NRXN3: variants seen among roughly 807,000 people sequenced by gnomAD.
NRXN3 encodes the protein neurexin 3.
NRXN3 carries 32 observed loss-of-function variants against 137.6 expected under a neutral mutation model. That is an observed-to-expected ratio of 0.23 (90% CI 0.18 to 0.31). NRXN3 has a LOEUF of 0.31. NRXN3 is among the 10% of genes least tolerant of loss of function. The pLI is 1.00. For synonymous variants in NRXN3, 798 were observed against 784.5 expected, an observed-to-expected ratio of 1.02 and a Z score of -0.29; for missense variants, 1,574 against 2,062.5, an observed-to-expected ratio of 0.76 and a Z score of 4.59.
At chr14:79,057,731 G>A (rs1211377434) in intron 15 of NRXN3, among the ~76,000 whole-genome samples, 1 of 152,166 alleles carries the variant, frequency 6.6e-6, no homozygotes, top group Non-Finnish European at 1.5e-5. Context: ...TAAGGGGAGA[G>A]TTGGCAAGAA....
intron 15 of NRXN3, among the ~76,000 whole-genome samples, chr14:79,448,803 T>C (rs565735794): frequency 7.7e-4 from 117 of 152,288 alleles, no homozygotes; most frequent in African/African-American, 2.7e-3. Context: ...ATGTATTATG[T>C]GTATATCTCT....
chr14:78,656,446 T>C (rs1445409173), intron 6 of NRXN3, among the ~76,000 whole-genome samples: 1 of 152,058 alleles, frequency 6.6e-6, no homozygotes, highest in Non-Finnish European at 1.5e-5. Flanking sequence ...TGTTCTGGTG[T>C]CTGGGTGAAG....
intron 20 of NRXN3, among the ~76,000 whole-genome samples, chr14:79,848,709 C>G (rs528480209): frequency 9.2e-5 from 14 of 152,160 alleles, no homozygotes; most frequent in Non-Finnish European, 1.8e-4. Flanking sequence ...ATTTCTCCAG[C>G]CCTGGCCCCT....
intron 3 of NRXN3, among the ~76,000 whole-genome samples, chr14:78,288,463 G>A (rs758845886): frequency 6.6e-6 from 1 of 152,100 alleles, no homozygotes; most frequent in Non-Finnish European, 1.5e-5. Context: ...TTGTGCAGTT[G>A]GTTTATTTAA....
At chr14:78,248,109 G>A (rs73310308) in intron 2 of NRXN3, among the ~76,000 whole-genome samples, 1,760 of 152,292 alleles carry the variant, frequency 0.012, 26 homozygotes, top group African/African-American at 0.04. Flanking sequence ...TTGATTACTT[G>A]TCTTCTGTCT....
chr14:79,151,447 C>G (rs1185507365), intron 15 of NRXN3, among the ~76,000 whole-genome samples: 1 of 152,070 alleles, frequency 6.6e-6, no homozygotes, highest in Non-Finnish European at 1.5e-5. Flanking sequence ...GAACGCCACT[C>G]ATCGTTCCAT....
intron 4 of NRXN3, among the ~76,000 whole-genome samples, chr14:78,568,517 C>A (rs943075730): frequency 8.5e-5 from 13 of 152,170 alleles, no homozygotes; most frequent in Admixed American, 8.5e-4. Flanking sequence ...ATAGCTGGAA[C>A]TGGAGGTATA....
At chr14:78,436,925 G>A (rs1292363511) in intron 4 of NRXN3, among the ~76,000 whole-genome samples, 1 of 152,210 alleles carries the variant, frequency 6.6e-6, no homozygotes, top group Non-Finnish European at 1.5e-5. Context: ...AACCTTATGG[G>A]TGATGGCTAA....
chr14:79,445,060 A>G (rs2096036854), intron 15 of NRXN3, among the ~76,000 whole-genome samples: 1 of 152,102 alleles, frequency 6.6e-6, no homozygotes, highest in African/African-American at 2.4e-5. Context: ...GTATTCACTC[A>G]GCTGGCAGTG....
intron 15 of NRXN3, among the ~76,000 whole-genome samples, chr14:79,327,151 T>C (rs1234769393): frequency 1.3e-5 from 2 of 152,166 alleles, no homozygotes; most frequent in Admixed American, 1.3e-4. Flanking sequence ...CATTATAAGC[T>C]GAGTAGCCTT....
At chr14:78,407,214 C>G (rs1422627277) in intron 4 of NRXN3, among the ~76,000 whole-genome samples, 1 of 151,832 alleles carries the variant, frequency 6.6e-6, no homozygotes, top group Non-Finnish European at 1.5e-5. Context: ...CTTTCTTTTC[C>G]AGAAAAGCAA....
chr14:79,461,198 G>T (rs75010670), intron 15 of NRXN3, among the ~76,000 whole-genome samples: 3,578 of 152,154 alleles, frequency 0.024, 151 homozygotes, highest in African/African-American at 0.081. Context: ...TTAGTCATTG[G>T]GACAGCTTTG....
At chr14:79,113,875 C>T (rs34121288) in intron 15 of NRXN3, among the ~76,000 whole-genome samples, 49,388 of 152,046 alleles carry the variant, frequency 0.32, 8,552 homozygotes, top group Admixed American at 0.46. Context: ...CTAATTCCGT[C>T]GGGCTAGGAT....
intron 15 of NRXN3, among the ~76,000 whole-genome samples, chr14:79,131,451 T>C (rs906042197): frequency 3.3e-5 from 5 of 152,148 alleles, no homozygotes; most frequent in African/African-American, 1.2e-4. Context: ...GAGGTGTCAG[T>C]CTGCCCCTGC....
intron 4 of NRXN3, among the ~76,000 whole-genome samples, chr14:78,316,287 C>CG (rs1567239542): frequency 6.6e-6 from 1 of 151,000 alleles, no homozygotes; most frequent in African/African-American, 2.4e-5. Context: ...GAGTTGGGGG[C>CG]GGGGGTGGCA....
intron 16 of NRXN3, among the ~76,000 whole-genome samples, chr14:79,537,260 T>C (rs957788818): frequency 6.6e-6 from 1 of 152,176 alleles, no homozygotes; most frequent in African/African-American, 2.4e-5. Context: ...AAATGTTTTC[T>C]TTTGAGAAGT....
chr14:78,297,293 T>C (rs891291651), intron 3 of NRXN3, among the ~76,000 whole-genome samples: 4 of 152,188 alleles, frequency 2.6e-5, no homozygotes, highest in Non-Finnish European at 5.9e-5. Flanking sequence ...GATTCAATTT[T>C]TGTAGAAAAG....
chr14:79,441,513 G>A (rs2095953660), intron 15 of NRXN3, among the ~76,000 whole-genome samples: 1 of 151,262 alleles, frequency 6.6e-6, no homozygotes, highest in Admixed American at 6.6e-5. Context: ...CCGAGTAGCT[G>A]GAACTACAGG....
At chr14:78,707,482 T>G (rs2098364103) in intron 6 of NRXN3, among the ~76,000 whole-genome samples, 1 of 152,220 alleles carries the variant, frequency 6.6e-6, no homozygotes, top group South Asian at 2.1e-4. Context: ...AGTAAAACTT[T>G]TTTGAAATTC....
Sources: gnomAD v4.1 joint callset for allele counts (sites outside exome capture counted in the v4.1 genomes callset) on GRCh38, gnomAD v4.1.1 for gene constraint, MANE v1.5 for transcripts, NCBI Gene and HGNC (gene_info 2026-07-23, HGNC 2026-07-21) for gene names.